Variants in ZCWPW2 observed in about 807,000 individuals in gnomAD.
ZCWPW2 encodes the protein zinc finger CW-type and PWWP domain containing 2.
ZCWPW2 carries 45 observed loss-of-function variants against 46.6 expected under a neutral mutation model. The observed-to-expected ratio is 0.96, with a 90% confidence interval of 0.76 to 1.24. The LOEUF is 1.24. Ranked by LOEUF, ZCWPW2 falls within the 50% of genes most tolerant of loss-of-function variation. ZCWPW2 has a pLI of 0.00. For synonymous variants in ZCWPW2, 152 were observed against 137.1 expected, an observed-to-expected ratio of 1.11 and a Z score of -0.76; for missense variants, 429 against 403.9, an observed-to-expected ratio of 1.06 and a Z score of -0.53.
At chr3:28,372,813 C>G (rs776030899) in intron 1 of ZCWPW2, among the ~76,000 whole-genome samples, 1 of 152,130 alleles carries the variant, frequency 6.6e-6, no homozygotes, top group Non-Finnish European at 1.5e-5. Flanking sequence ...GTCTATTATT[C>G]CCCTCTGTAG....
chr3:28,449,697 T>TA (rs1698148760), intron 4 of ZCWPW2, among the ~76,000 whole-genome samples: 1 of 152,204 alleles, frequency 6.6e-6, no homozygotes, highest in Admixed American at 6.5e-5. Context: ...TTTATCATGA[T>TA]AAAAAATTAC....
At chr3:28,492,930 T>C (rs1699866357) in intron 6 of ZCWPW2, among the ~76,000 whole-genome samples, 2 of 152,004 alleles carry the variant, frequency 1.3e-5, no homozygotes, top group South Asian at 4.1e-4. Flanking sequence ...AGGTCAAGTG[T>C]AACCTCAAGG....
At chr3:28,350,324 A>G (rs988443034) in intron 1 of ZCWPW2, among the ~76,000 whole-genome samples, 1 of 152,216 alleles carries the variant, frequency 6.6e-6, no homozygotes, top group African/African-American at 2.4e-5. Flanking sequence ...CTTCGTTCAC[A>G]ATTTAAAATA....
intron 4 of ZCWPW2, among the ~76,000 whole-genome samples, chr3:28,476,677 T>C (rs537444602): frequency 6.6e-6 from 1 of 152,202 alleles, no homozygotes; most frequent in Non-Finnish European, 1.5e-5. Flanking sequence ...TGCACTTTAT[T>C]TCTATTATTA....
chr3:28,357,058 T>C (rs1358297645), intron 1 of ZCWPW2, among the ~76,000 whole-genome samples: 1 of 150,094 alleles, frequency 6.7e-6, no homozygotes, highest in Non-Finnish European at 1.5e-5. Context: ...CAATAGTTTC[T>C]ATATGTGCCT....
intron 2 of ZCWPW2, among the ~76,000 whole-genome samples, chr3:28,391,808 A>C (rs1031662806): frequency 6.6e-6 from 1 of 152,108 alleles, no homozygotes; most frequent in Non-Finnish European, 1.5e-5. Flanking sequence ...TCCCCTAAGA[A>C]GGAGCCACTA....
At chr3:28,353,766 A>G (rs1247908673) in intron 1 of ZCWPW2, among the ~76,000 whole-genome samples, 9 of 152,228 alleles carry the variant, frequency 5.9e-5, no homozygotes, top group Non-Finnish European at 1.5e-5. Flanking sequence ...CATGGTGAAG[A>G]AAAATTAATG....
chr3:28,432,385 G>T (rs1378278532), intron 3 of ZCWPW2, among the ~76,000 whole-genome samples: 1 of 152,130 alleles, frequency 6.6e-6, no homozygotes, highest in Non-Finnish European at 1.5e-5. Context: ...ACTTTACAGT[G>T]CTGCAAAGTG....
chr3:28,464,365 T>C (rs1301089064), intron 4 of ZCWPW2, among the ~76,000 whole-genome samples: 2 of 151,988 alleles, frequency 1.3e-5, no homozygotes, highest in African/African-American at 4.8e-5. Flanking sequence ...CCTGCCTTCA[T>C]GCAACCTAAG....
intron 2 of ZCWPW2, among the ~76,000 whole-genome samples, chr3:28,406,318 G>A (rs890984356): frequency 1.3e-5 from 2 of 152,170 alleles, no homozygotes; most frequent in Non-Finnish European, 2.9e-5. Context: ...CTCAACAGAA[G>A]CCAATATCTA....
intron 1 of ZCWPW2, among the ~76,000 whole-genome samples, chr3:28,383,891 A>T (rs188060058): frequency 1.6e-4 from 24 of 152,262 alleles, no homozygotes; most frequent in Non-Finnish European, 2.5e-4. Flanking sequence ...CTGGATTTTT[A>T]AAAAATTGGA....
At chr3:28,514,001 T>G (rs1700497270) in intron 6 of ZCWPW2, 63 bp from the exon 7 acceptor site, 7 of 1,337,526 alleles carry the variant, frequency 5.2e-6, no homozygotes, top group Middle Eastern at 3.8e-4. Flanking sequence ...ATGGGACCCA[T>G]TATTTTACTG....
chr3:28,442,590 C>A (rs866235387), intron 4 of ZCWPW2, among the ~76,000 whole-genome samples: 1 of 152,190 alleles, frequency 6.6e-6, no homozygotes, highest in African/African-American at 2.4e-5. Flanking sequence ...CAGCTGAAGG[C>A]AAATTGCTTC....
intron 1 of ZCWPW2, among the ~76,000 whole-genome samples, chr3:28,367,147 A>G (rs1225322833): frequency 6.6e-6 from 1 of 151,928 alleles, no homozygotes; most frequent in Non-Finnish European, 1.5e-5. Flanking sequence ...TCTTTCCTTC[A>G]GTTCTGCTCT....
At chr3:28,452,061 C>G (rs1698243637) in intron 4 of ZCWPW2, among the ~76,000 whole-genome samples, 1 of 152,274 alleles carries the variant, frequency 6.6e-6, no homozygotes, top group South Asian at 2.1e-4. Context: ...GAGCATGACT[C>G]TATAACTGTG....
At chr3:28,427,732 T>C (rs1171912754) in intron 3 of ZCWPW2, among the ~76,000 whole-genome samples, 1 of 152,232 alleles carries the variant, frequency 6.6e-6, no homozygotes, top group African/African-American at 2.4e-5. Flanking sequence ...GCCATTCATG[T>C]TATACATAAT....
chr3:28,456,048 G>A (rs1287634648), intron 4 of ZCWPW2, among the ~76,000 whole-genome samples: 1 of 152,136 alleles, frequency 6.6e-6, no homozygotes, highest in African/African-American at 2.4e-5. Context: ...AATGGGAATA[G>A]CATTGAATCT....
chr3:28,373,002 C>A (rs1468529535), intron 1 of ZCWPW2, among the ~76,000 whole-genome samples: 1 of 151,984 alleles, frequency 6.6e-6, no homozygotes, highest in African/African-American at 2.4e-5. Flanking sequence ...TCTATATATC[C>A]ATATCTATAT....
chr3:28,367,217 GT>G (rs1445093695), intron 1 of ZCWPW2, among the ~76,000 whole-genome samples: 1 of 152,052 alleles, frequency 6.6e-6, no homozygotes, highest in Admixed American at 6.6e-5. Flanking sequence ...TGCTTCTCTA[GT>G]TCTTTTAATT....
Sources: allele counts gnomAD v4.1 joint callset (sites outside exome capture counted in the v4.1 genomes callset), GRCh38; gene constraint gnomAD v4.1.1; transcripts MANE v1.5; gene names NCBI Gene and HGNC (gene_info 2026-07-23, HGNC 2026-07-21).